PAPPA2: variants seen among roughly 807,000 people sequenced by gnomAD.
PAPPA2 encodes the protein pappalysin-2.
PAPPA2 carries 86 observed loss-of-function variants against 176.4 expected under a neutral mutation model. The observed-to-expected ratio is 0.49, with a 90% CI of 0.41 to 0.58. PAPPA2 has a LOEUF of 0.58. PAPPA2 is among the 20% of genes least tolerant of loss of function. The probability of loss-of-function intolerance (pLI) is 0.00; values close to 1 mark genes in which losing one functional copy is unlikely to be tolerated. For missense variants in PAPPA2, 2,073 were observed against 2,256.9 expected, an observed-to-expected ratio of 0.92 and a Z score of 1.65; for synonymous variants, 809 against 852.2, an observed-to-expected ratio of 0.95 and a Z score of 0.88.
chr1:176,657,073 A>T (rs1658074852), intron 3 of PAPPA2, among the ~76,000 whole-genome samples: 1 of 151,908 alleles, frequency 6.6e-6, no homozygotes, highest in Non-Finnish European at 1.5e-5. Context: ...TCTGTGGCTT[A>T]ATTGGGGAGT....
chr1:176,524,491 G>A (rs1415924529), intron 1 of PAPPA2, among the ~76,000 whole-genome samples: 1 of 152,076 alleles, frequency 6.6e-6, no homozygotes, highest in Non-Finnish European at 1.5e-5. Flanking sequence ...AAATAAATAT[G>A]CAAAAATAGG....
At chr1:176,787,679 A>G (rs545157111) in intron 17 of PAPPA2, among the ~76,000 whole-genome samples, 6 of 152,314 alleles carry the variant, frequency 3.9e-5, no homozygotes, top group African/African-American at 1.4e-4. Flanking sequence ...TATTAAAATT[A>G]TTTGAAGTTG....
chr1:176,469,881 G>C (rs757108203), intron 1 of PAPPA2, among the ~76,000 whole-genome samples: 2 of 152,126 alleles, frequency 1.3e-5, no homozygotes, highest in Admixed American at 1.3e-4. Context: ...TCACTCTAAC[G>C]TGTGAAATGT....
At chr1:176,822,671 T>C (rs1159339756) in intron 21 of PAPPA2, among the ~76,000 whole-genome samples, 2 of 152,214 alleles carry the variant, frequency 1.3e-5, no homozygotes, top group Non-Finnish European at 1.5e-5. Context: ...TTTAATCCAA[T>C]TGAAGGTCCT....
chr1:176,835,014 G>A (rs1667219722), intron 21 of PAPPA2, among the ~76,000 whole-genome samples: 1 of 152,084 alleles, frequency 6.6e-6, no homozygotes, highest in African/African-American at 2.4e-5. Context: ...GAGGAATTGA[G>A]ATTATGCATG....
intron 20 of PAPPA2, among the ~76,000 whole-genome samples, chr1:176,794,901 G>A (rs1278162260): frequency 6.6e-6 from 1 of 152,194 alleles, no homozygotes; most frequent in African/African-American, 2.4e-5. Context: ...CTTCTGGTGG[G>A]GTAAGGAGTA....
intron 2 of PAPPA2, 25 bp downstream of exon 2, chr1:176,557,266 T>G: frequency 6.5e-7 from 1 of 1,541,106 alleles, no homozygotes; most frequent in Non-Finnish European, 8.7e-7. Context: ...CTGGGCTTTC[T>G]GAAATCCTGA....
intron 2 of PAPPA2, 53 bp downstream of exon 2, chr1:176,557,294 T>C (rs576033577): frequency 6.7e-6 from 10 of 1,503,570 alleles, no homozygotes; most frequent in Non-Finnish European, 8.9e-6. Flanking sequence ...GCTGGCTTTA[T>C]TTCTGACGGG....
chr1:176,512,071 T>G (rs1648628879), intron 1 of PAPPA2, among the ~76,000 whole-genome samples: 1 of 151,890 alleles, frequency 6.6e-6, no homozygotes, highest in Non-Finnish European at 1.5e-5. Flanking sequence ...AAAAAGGACC[T>G]CCCCAAAATG....
intron 1 of PAPPA2, among the ~76,000 whole-genome samples, chr1:176,479,437 T>C (rs889520695): frequency 2.6e-5 from 4 of 152,046 alleles, no homozygotes; most frequent in African/African-American, 9.7e-5. Flanking sequence ...GAAAATTGTA[T>C]AGCAGACTCT....
At position 176,776,655 on chromosome 1, in the gene PAPPA2, T is replaced by A. The variant is rs1485192911; in HGVS notation, c.4715+5475T>A. Among the ~76,000 whole-genome samples, 4 of 151,962 alleles carry A rather than the reference T, an allele frequency of 2.6e-5. No individual in the cohort carries two copies. The East Asian group carries it at 7.7e-4, about 29-fold the overall frequency. On this transcript the variant is annotated intron_variant, in intron 17 of 22. Transcript: ENST00000367662. ...ATTTCCACACACACAGAAAGATTGG[T>A]GTGGCAGAGTGTTAAAAAGCTTAAA... is the stretch of plus-strand genomic sequence containing the variant.
intron 6 of PAPPA2, among the ~76,000 whole-genome samples, chr1:176,692,819 C>T (rs1181389352): frequency 1.3e-5 from 2 of 152,156 alleles, no homozygotes; most frequent in African/African-American, 4.8e-5. Flanking sequence ...TCCTGTGCCT[C>T]CCCCTCTTAA....
chr1:176,739,714 C>A lies in PAPPA2; in HGVS notation c.3887C>A (p.Thr1296Lys). Residue 1296 changes from threonine to lysine, a missense_variant, in exon 13 of 23, where the codon ACA (threonine) becomes AAA (lysine). By Grantham distance (78) the Thr-to-Lys change is moderately conservative. This residue lies in a region of PAPPA2 where 846 missense variants were observed against 857.9 expected (regional missense o/e 0.99). Transcript: ENST00000367662. Reference protein sequence around the residue: ...GLVPGEHQQPTVTLYLTDVRG... With the variant: ...GLVPGEHQQPKVTLYLTDVRG... ...GTTCCCGGAGAGCATCAGCAGCCGA[C>A]AGTGACTCTCTACCTGACCGATGTC... 6.2e-7 allele frequency: 1 copy of A among 1,613,712 alleles called. No individual in the cohort carries two copies. The highest frequency in any genetic ancestry group is 2.2e-5 in the East Asian group (1 of 44,852).
intron 2 of PAPPA2, among the ~76,000 whole-genome samples, chr1:176,572,028 C>A (rs1652376008): frequency 6.6e-6 from 1 of 152,152 alleles, no homozygotes; most frequent in Non-Finnish European, 1.5e-5. Context: ...CAGGTGACAA[C>A]CCAGCCCATC....
At chr1:176,772,101 C>G (rs1664257110) in intron 17 of PAPPA2, among the ~76,000 whole-genome samples, 1 of 152,158 alleles carries the variant, frequency 6.6e-6, no homozygotes, top group African/African-American at 2.4e-5. Flanking sequence ...GCCAATTACT[C>G]AATAAATGGT....
At chr1:176,624,129 A>G (rs1655874059) in intron 3 of PAPPA2, among the ~76,000 whole-genome samples, 1 of 152,180 alleles carries the variant, frequency 6.6e-6, no homozygotes, top group Non-Finnish European at 1.5e-5. Flanking sequence ...AATATACAGA[A>G]TTCTTGGGAG....
chr1:176,817,111 G>A (rs889028165), intron 21 of PAPPA2, among the ~76,000 whole-genome samples: 1 of 152,178 alleles, frequency 6.6e-6, no homozygotes, highest in East Asian at 1.9e-4. Context: ...AAAAGAAAGT[G>A]GTTGTGTTTG....
intron 1 of PAPPA2, among the ~76,000 whole-genome samples, chr1:176,505,645 A>C (rs1190532175): frequency 6.6e-6 from 1 of 152,176 alleles, no homozygotes; most frequent in South Asian, 2.1e-4. Flanking sequence ...AAACTATTCT[A>C]AAATTCATAT....
At chr1:176,489,082 A>G (rs567373407) in intron 1 of PAPPA2, among the ~76,000 whole-genome samples, 2 of 152,218 alleles carry the variant, frequency 1.3e-5, no homozygotes, top group South Asian at 2.1e-4. Flanking sequence ...CCAAGTGTGT[A>G]TGCATGTGAT....
Sources: gnomAD v4.1 joint callset for allele counts (sites outside exome capture counted in the v4.1 genomes callset) on GRCh38, gnomAD v4.1.1 for gene constraint, gnomAD v4.1.1 regional missense constraint, MANE v1.5 for transcripts, NCBI Gene and HGNC (gene_info 2026-07-23, HGNC 2026-07-21) for gene names.